Variants in MUC7 observed in about 807,000 individuals in gnomAD.
MUC7 encodes mucin 7, secreted, also known as mucin-7.
MUC7 carries 2 observed loss-of-function variants against 2.5 expected under a neutral mutation model. That is an observed-to-expected ratio of 0.81 (90% CI 0.33 to 2.55). The LOEUF is 2.55. Ranked by LOEUF, MUC7 falls within the 30% of genes most tolerant of loss-of-function variation. The pLI is 0.11. For synonymous variants in MUC7, 133 were observed against 173.4 expected (o/e 0.77, Z 1.83); for missense variants, 408 against 455.6 (o/e 0.90, Z 0.95).
intron 1 of MUC7, among the ~76,000 whole-genome samples, chr4:70,459,991 A>G (rs1734515648): frequency 6.6e-6 from 1 of 152,336 alleles, no homozygotes; most frequent in Non-Finnish European, 1.5e-5. Flanking sequence ...TTATAAACTA[A>G]CAAGTTTCCA....
intron 1 of MUC7, among the ~76,000 whole-genome samples, chr4:70,438,668 G>A (rs1366089501): frequency 6.6e-6 from 1 of 152,038 alleles, no homozygotes; most frequent in Non-Finnish European, 1.5e-5. Flanking sequence ...ATGTTGGCCA[G>A]GCTGGTCTTG....
At chr4:70,452,025 C>G (rs1212855187) in intron 1 of MUC7, among the ~76,000 whole-genome samples, 3 of 152,126 alleles carry the variant, frequency 2.0e-5, no homozygotes, top group African/African-American at 7.2e-5. Flanking sequence ...TCTTATTTGT[C>G]TCTTCTCAAA....
At chr4:70,480,433 G>T (rs1383711407) in intron 2 of MUC7, among the ~76,000 whole-genome samples, 1 of 152,148 alleles carries the variant, frequency 6.6e-6, no homozygotes, top group East Asian at 1.9e-4. Flanking sequence ...TTGTGAACAG[G>T]CTGAGCAAGC....
chr4:70,467,262 G>T (rs925517665), upstream of MUC7, among the ~76,000 whole-genome samples: 1 of 152,222 alleles, frequency 6.6e-6, no homozygotes, highest in East Asian at 1.9e-4. Flanking sequence ...CTAAAGCAGT[G>T]TTTGGAGGGA....
At chr4:70,430,874 G>T (rs1733640393) in intron 1 of MUC7, among the ~76,000 whole-genome samples, 2 of 152,062 alleles carry the variant, frequency 1.3e-5, no homozygotes, top group African/African-American at 4.8e-5. Flanking sequence ...TAATTTAACA[G>T]TATGACAAAA....
At chr4:70,477,467 CT>C (rs1473807859) in intron 2 of MUC7, among the ~76,000 whole-genome samples, 3 of 152,152 alleles carry the variant, frequency 2.0e-5, no homozygotes, top group African/African-American at 7.2e-5. Context: ...CTCTCCCTTT[CT>C]GACTAATTTT....
At position 70,481,002 on chromosome 4, in the gene MUC7, T is replaced by C; in HGVS notation, c.258T>C (p.Asn86=). Reference sequence around the variant, plus strand: ...CTAATAACCCCCCCAAATTCCCAAATCCTCACCAGCCACCTAAACATCCAG... The same window carrying C: ...CTAATAACCCCCCCAAATTCCCAAACCCTCACCAGCCACCTAAACATCCAG... ...PSPNNPPKFP[N]PHQPPKHPDK... is the part of the protein sequence containing the mutation. The change falls in exon 3 of 3, where the codon AAT becomes AAC. Residue 86 remains asparagine (N), a synonymous_variant. Coordinates refer to ENST00000304887, the MANE Select transcript of MUC7 (RefSeq NM_152291.3). 1.2e-6 allele frequency: 2 copies of C among 1,613,946 alleles called. No homozygotes were observed. The highest frequency in any genetic ancestry group is 1.7e-6 in the Non-Finnish European group (2 of 1,179,976).
At chr4:70,440,878 A>C (rs762151871) in intron 1 of MUC7, among the ~76,000 whole-genome samples, 2 of 152,098 alleles carry the variant, frequency 1.3e-5, no homozygotes, top group Non-Finnish European at 2.9e-5. Context: ...ATGCTCCCTC[A>C]AAATACATTT....
chr4:70,476,936 T>C (rs1411199544), intron 2 of MUC7, among the ~76,000 whole-genome samples: 1 of 152,240 alleles, frequency 6.6e-6, no homozygotes, highest in Non-Finnish European at 1.5e-5. Context: ...CTCTTCCAGA[T>C]GTCCCAAAGA....
intron 2 of MUC7, among the ~76,000 whole-genome samples, chr4:70,476,376 G>A (rs1390759606): frequency 1.3e-5 from 2 of 152,088 alleles, no homozygotes; most frequent in Admixed American, 6.5e-5. Context: ...CTTTTGAAGT[G>A]GCCTTTCATC....
At chr4:70,435,013 G>A (rs1319201015) in intron 1 of MUC7, among the ~76,000 whole-genome samples, 6 of 152,042 alleles carry the variant, frequency 3.9e-5, no homozygotes, top group East Asian at 1.9e-4. Context: ...GTAGTTGTGC[G>A]GTTTTGAGTG....
intron 1 of MUC7, among the ~76,000 whole-genome samples, chr4:70,453,613 A>C (rs1734345744): frequency 6.6e-6 from 1 of 151,102 alleles, no homozygotes; most frequent in African/African-American, 2.4e-5. Flanking sequence ...TTGGTGCTCT[A>C]TCTCACTATG....
chr4:70,458,174 T>C (rs1228983570), intron 1 of MUC7, among the ~76,000 whole-genome samples: 1 of 152,074 alleles, frequency 6.6e-6, no homozygotes, highest in Non-Finnish European at 1.5e-5. Flanking sequence ...GGTTTTACAT[T>C]AGAAAACCTT....
intron 1 of MUC7, among the ~76,000 whole-genome samples, chr4:70,456,065 C>T (rs573968439): frequency 6.6e-6 from 1 of 152,294 alleles, no homozygotes; most frequent in South Asian, 2.1e-4. Flanking sequence ...TCTAACAAGT[C>T]TCTAGGAGGT....
intron 1 of MUC7, among the ~76,000 whole-genome samples, chr4:70,457,275 C>T (rs567492250): frequency 3.3e-5 from 5 of 152,138 alleles, no homozygotes; most frequent in Admixed American, 6.6e-5. Context: ...AGACACCCAT[C>T]GCTACATACA....
chr4:70,438,936 T>C (rs1369459562), intron 1 of MUC7, among the ~76,000 whole-genome samples: 1 of 152,214 alleles, frequency 6.6e-6, no homozygotes, highest in Non-Finnish European at 1.5e-5. Flanking sequence ...AGTCATATCA[T>C]GTGGCAGGCA....
chr4:70,473,984 C>A (rs201070561), intron 1 of MUC7, 23 bp from the exon 2 acceptor site: 10 of 1,552,970 alleles, frequency 6.4e-6, no homozygotes, highest in Middle Eastern at 1.7e-4. Flanking sequence ...ACTAATAGTA[C>A]GCCACATTTC....
chr4:70,445,549 G>T (rs35960402), intron 1 of MUC7, among the ~76,000 whole-genome samples: 15,253 of 152,090 alleles, frequency 0.1, 999 homozygotes, highest in East Asian at 0.18. Context: ...CTTCTCTCCA[G>T]CACCACTCTA....
chr4:70,470,573 A>C (rs978310600), upstream of MUC7, among the ~76,000 whole-genome samples: 4 of 152,182 alleles, frequency 2.6e-5, no homozygotes, highest in African/African-American at 9.6e-5. Context: ...GAGGATAATT[A>C]GACAATTTTT....
Sources: allele counts gnomAD v4.1 joint callset (sites outside exome capture counted in the v4.1 genomes callset), GRCh38; gene constraint gnomAD v4.1.1; transcripts MANE v1.5; gene names NCBI Gene and HGNC (gene_info 2026-07-23, HGNC 2026-07-21).